The following KCNH8 variants were observed in gnomAD, a reference collection of about 807,000 sequenced individuals.
KCNH8 encodes voltage-gated delayed rectifier potassium channel KCNH8.
A neutral mutation model predicts 103.6 loss-of-function variants in KCNH8; 70 were observed. The ratio of observed to expected loss-of-function variants is 0.68; its 90% CI spans 0.56 to 0.82. The LOEUF (loss-of-function observed/expected upper bound fraction) is 0.82, where lower values mean the gene tolerates loss of function less well. Among genes scored for constraint, KCNH8 ranks in the 40% least tolerant of loss-of-function variants. The probability of loss-of-function intolerance (pLI) is 0.00; values close to 1 mark genes in which losing one functional copy is unlikely to be tolerated. For synonymous variants in KCNH8, 498 were observed against 489.4 expected, an observed-to-expected ratio of 1.02 and a Z score of -0.23; for missense variants, 1,217 against 1,329.9, an observed-to-expected ratio of 0.92 and a Z score of 1.32.
chr3:19,400,252 A>AAAAAAAC (rs2066592124), intron 7 of KCNH8, among the ~76,000 whole-genome samples: 2 of 150,884 alleles, frequency 1.3e-5, no homozygotes, highest in Non-Finnish European at 3.0e-5. Context: ...AAAAAAAAAA[A>AAAAAAAC]AAAGCATCAT....
chr3:19,370,129 C>T (rs957996675), intron 5 of KCNH8, among the ~76,000 whole-genome samples: 4 of 151,968 alleles, frequency 2.6e-5, no homozygotes, highest in Non-Finnish European at 4.4e-5. Flanking sequence ...GGATATAGTT[C>T]GCTTGTTATC....
At chr3:19,168,880 G>A (rs573108690) in intron 1 of KCNH8, among the ~76,000 whole-genome samples, 137 of 152,244 alleles carry the variant, frequency 9.0e-4, no homozygotes, top group Non-Finnish European at 1.7e-3. Flanking sequence ...AGGTGTTGAA[G>A]ACATCTCAGG....
intron 5 of KCNH8, among the ~76,000 whole-genome samples, chr3:19,353,909 A>C (rs2065841453): frequency 6.6e-6 from 1 of 152,170 alleles, no homozygotes; most frequent in South Asian, 2.1e-4. Context: ...GAAAGAAATA[A>C]AGGGTATTCA....
chr3:19,465,577 T>C (rs1483890937), intron 11 of KCNH8, among the ~76,000 whole-genome samples: 1 of 152,056 alleles, frequency 6.6e-6, no homozygotes, highest in South Asian at 2.1e-4. Flanking sequence ...TCAAGTCTTA[T>C]TATTGAAGAA....
intron 11 of KCNH8, among the ~76,000 whole-genome samples, chr3:19,486,595 T>G (rs1215483481): frequency 6.6e-6 from 1 of 152,188 alleles, no homozygotes; most frequent in Non-Finnish European, 1.5e-5. Flanking sequence ...TTTTTTCTTT[T>G]TGACACATAG....
intron 5 of KCNH8, among the ~76,000 whole-genome samples, chr3:19,371,388 T>G: frequency 6.6e-6 from 1 of 151,968 alleles, no homozygotes; most frequent in South Asian, 2.1e-4. Flanking sequence ...TCATGTGTTT[T>G]TTGGCTGCAT....
At chr3:19,430,565 T>G (rs2067105561) in intron 7 of KCNH8, among the ~76,000 whole-genome samples, 1 of 152,144 alleles carries the variant, frequency 6.6e-6, no homozygotes, top group Admixed American at 6.6e-5. Context: ...ATCTATAAAT[T>G]GTTTTGGGCA....
intron 11 of KCNH8, among the ~76,000 whole-genome samples, chr3:19,489,899 G>A (rs1251287212): frequency 1.3e-5 from 2 of 152,180 alleles, no homozygotes; most frequent in African/African-American, 2.4e-5. Context: ...GTACAGGCAC[G>A]TCGTGGGTGA....
At chr3:19,190,710 G>A (rs550420497) in intron 1 of KCNH8, among the ~76,000 whole-genome samples, 1 of 152,034 alleles carries the variant, frequency 6.6e-6, no homozygotes, top group Admixed American at 6.6e-5. Context: ...CAACAAGTGC[G>A]ATTGATAATG....
At chr3:19,173,807 C>G (rs1308513902) in intron 1 of KCNH8, among the ~76,000 whole-genome samples, 1 of 152,052 alleles carries the variant, frequency 6.6e-6, no homozygotes, top group Non-Finnish European at 1.5e-5. Context: ...ATTGCATATT[C>G]TACATCTTCA....
chr3:19,286,744 T>G (rs1346522387), intron 3 of KCNH8, among the ~76,000 whole-genome samples: 1 of 152,190 alleles, frequency 6.6e-6, no homozygotes, highest in East Asian at 1.9e-4. Flanking sequence ...GTTGTATTGT[T>G]TAGGGAATAA....
At chr3:19,289,560 G>T (rs1215388882) in intron 3 of KCNH8, among the ~76,000 whole-genome samples, 1 of 152,018 alleles carries the variant, frequency 6.6e-6, no homozygotes, top group African/African-American at 2.4e-5. Context: ...ATTTCTGAGG[G>T]CTCTGTTCTG....
At chr3:19,524,757 G>C (rs918700968) in intron 15 of KCNH8, among the ~76,000 whole-genome samples, 6 of 151,778 alleles carry the variant, frequency 4.0e-5, no homozygotes, top group Non-Finnish European at 8.8e-5. Context: ...TATCAGTAAG[G>C]GCCCAAGTAA....
At chr3:19,328,492 C>T in intron 3 of KCNH8, among the ~76,000 whole-genome samples, 1 of 152,062 alleles carries the variant, frequency 6.6e-6, no homozygotes, top group Admixed American at 6.6e-5. Flanking sequence ...AACTAAACAA[C>T]TGGCAATTTT....
intron 6 of KCNH8, 95 bp downstream of exon 6, chr3:19,390,733 GTTTTGTGCCTT>G (rs2066424891): frequency 8.1e-7 from 1 of 1,233,978 alleles, no homozygotes; most frequent in Non-Finnish European, 1.1e-6. Context: ...TGCTTCCAGG[GTTTTGTGCCTT>G]CTTCAATAAA....
chr3:19,334,879 G>A (rs2065560813), intron 3 of KCNH8, among the ~76,000 whole-genome samples: 1 of 151,928 alleles, frequency 6.6e-6, no homozygotes, highest in African/African-American at 2.4e-5. Flanking sequence ...GAAGAAATGT[G>A]TATATACTAT....
At chr3:19,271,294 A>T (rs1397620327) in intron 2 of KCNH8, among the ~76,000 whole-genome samples, 1 of 152,176 alleles carries the variant, frequency 6.6e-6, no homozygotes, top group Non-Finnish European at 1.5e-5. Context: ...TACAATAAAC[A>T]GTTCCATCTC....
chr3:19,438,370 G>A lies in KCNH8; in HGVS notation c.1375+9G>A, dbSNP rs550984926. 13 of 1,609,760 alleles carry A rather than the reference G, an allele frequency of 8.1e-6. No homozygotes were observed. In the African/African-American group the frequency reaches 1.1e-4, roughly 13 times the overall value. ...CACCATGCTGATTGGTGGTAAGAGA[G>A]CATCTTCTTTTATACTAAGAAGAGG... On this transcript the variant is annotated intron_variant, in intron 8 of 15. Coordinates refer to ENST00000328405, the MANE Select transcript of KCNH8 (RefSeq NM_144633.3).
intron 11 of KCNH8, among the ~76,000 whole-genome samples, chr3:19,507,020 T>C (rs541347724): frequency 6.6e-6 from 1 of 152,066 alleles, no homozygotes; most frequent in South Asian, 2.1e-4. Flanking sequence ...GGGCCTTCAA[T>C]TGTCTCTGGG....
Sources: allele counts gnomAD v4.1 joint callset (sites outside exome capture counted in the v4.1 genomes callset), GRCh38; gene constraint gnomAD v4.1.1; transcripts MANE v1.5; gene names NCBI Gene and HGNC (gene_info 2026-07-23, HGNC 2026-07-21).